The following INTS9 variants were observed in gnomAD, a reference collection of about 807,000 sequenced individuals.
The protein encoded by INTS9 is protein related to CPSF subunits of 74 kDa.
Under a neutral mutation model 79.7 loss-of-function variants are expected in INTS9, and 55 were observed. That is an observed-to-expected ratio of 0.69 (90% CI 0.56 to 0.86). The LOEUF is 0.86. Among genes scored for constraint, INTS9 ranks in the 40% least tolerant of loss-of-function variants. The probability of loss-of-function intolerance (pLI) is 0.00; values close to 1 mark genes in which losing one functional copy is unlikely to be tolerated. For missense variants in INTS9, 721 were observed against 831.5 expected (o/e 0.87, Z 1.64); for synonymous variants, 319 against 325.2 (o/e 0.98, Z 0.20).
At chr8:28,815,072 G>T (rs554200615) in intron 6 of INTS9, among the ~76,000 whole-genome samples, 1 of 152,222 alleles carries the variant, frequency 6.6e-6, no homozygotes, top group East Asian at 1.9e-4. Flanking sequence ...GGGGGCAGAG[G>T]AGCAGGCAGG....
chr8:28,857,228 G>A lies in INTS9; in HGVS notation c.137+2208C>T, dbSNP rs77373760. On this transcript the variant is annotated intron_variant, in intron 2 of 16. Coordinates refer to ENST00000521022, the MANE Select transcript of INTS9 (RefSeq NM_018250.4). ...ATGATGGGGCCAAGCAATGAACACC[G>A]AAGATGTCAATACATGATGGCCAAT... Among the ~76,000 whole-genome samples, 720 of 152,288 alleles carry A rather than the reference G, an allele frequency of 4.7e-3. 2 individuals are homozygous for A. Among genetic ancestry groups the A allele is most frequent in the Non-Finnish European group, 7.9e-3 (536 of 68,022 alleles).
At chr8:28,778,947 GAC>G (rs1803072070) in intron 12 of INTS9, among the ~76,000 whole-genome samples, 2 of 152,154 alleles carry the variant, frequency 1.3e-5, no homozygotes, top group South Asian at 4.1e-4. Flanking sequence ...ACCTCTCCCA[GAC>G]ACAACTTCTG....
At chr8:28,776,212 G>C (rs987683638) in intron 13 of INTS9, 12 of 302,528 alleles carry the variant, frequency 4.0e-5, no homozygotes, top group Non-Finnish European at 6.1e-5. Flanking sequence ...TGCTCCCAGC[G>C]GTCTCTGGGC....
chr8:28,834,515 G>A (rs904160266), intron 6 of INTS9, among the ~76,000 whole-genome samples: 4 of 152,062 alleles, frequency 2.6e-5, no homozygotes, highest in Non-Finnish European at 5.9e-5. Flanking sequence ...GTCCCATGAC[G>A]CCATGCCTGG....
At chr8:28,821,801 G>T (rs1191112405) in intron 6 of INTS9, among the ~76,000 whole-genome samples, 3 of 148,230 alleles carry the variant, frequency 2.0e-5, no homozygotes, top group African/African-American at 7.5e-5. Context: ...ACAAGGTCTT[G>T]CTCTGTCACC....
At chr8:28,805,161 A>G (rs35015518) in intron 8 of INTS9, among the ~76,000 whole-genome samples, 2,744 of 152,366 alleles carry the variant, frequency 0.018, 37 homozygotes, top group Non-Finnish European at 0.03. Context: ...AAATAATTTT[A>G]AAACTTACAA....
intron 7 of INTS9, 36 bp downstream of exon 7, chr8:28,813,456 A>T: frequency 6.3e-7 from 1 of 1,595,558 alleles, no homozygotes; most frequent in South Asian, 1.1e-5. Flanking sequence ...AATGGAAAGC[A>T]TTCATGAATA....
At chr8:28,859,287 G>A (rs1808328568) in intron 2 of INTS9, 149 bp downstream of exon 2, 1 of 855,832 alleles carries the variant, frequency 1.2e-6, no homozygotes, top group South Asian at 1.8e-5. Context: ...CATCAGCTCA[G>A]CCAAAGGAAA....
chr8:28,836,783 C>T (rs1350279345), intron 5 of INTS9, among the ~76,000 whole-genome samples: 1 of 152,132 alleles, frequency 6.6e-6, no homozygotes, highest in Admixed American at 6.5e-5. Flanking sequence ...CCTTCCTCAG[C>T]TCCCTAATGG....
At chr8:28,868,911 C>T (rs1176834129) in intron 1 of INTS9, among the ~76,000 whole-genome samples, 2 of 152,020 alleles carry the variant, frequency 1.3e-5, no homozygotes, top group Non-Finnish European at 2.9e-5. Context: ...CCAGCCTGGC[C>T]AACATGGCGA....
chr8:28,786,907 C>CT (rs1803631546), intron 11 of INTS9, among the ~76,000 whole-genome samples: 1 of 151,944 alleles, frequency 6.6e-6, no homozygotes, highest in African/African-American at 2.4e-5. Context: ...GTAGTAGAGA[C>CT]GGGGTTTCAC....
At chr8:28,784,475 C>T (rs1168790877) in intron 11 of INTS9, among the ~76,000 whole-genome samples, 3 of 152,236 alleles carry the variant, frequency 2.0e-5, no homozygotes, top group Non-Finnish European at 1.5e-5. Flanking sequence ...ACTATTTAGA[C>T]TACAGGGACC....
intron 8 of INTS9, among the ~76,000 whole-genome samples, chr8:28,810,685 A>G (rs962696715): frequency 6.6e-6 from 1 of 152,194 alleles, no homozygotes; most frequent in African/African-American, 2.4e-5. Flanking sequence ...GTATCTATAT[A>G]CCCATTCAAC....
In INTS9 at chr8:28,775,631, C is replaced by T. The variant is rs146188713; in HGVS notation, c.1563+128G>A. On this transcript the variant is annotated intron_variant, in intron 14 of 16. Coordinates refer to ENST00000521022, the MANE Select transcript of INTS9 (RefSeq NM_018250.4). ...CCGCCCAAAGTGCTGGGATTATAGG[C>T]GTGAGCTACTGCGCGCAGCCTGGTT... The T allele has an allele frequency of 1.7e-4, 169 of 1,008,944 alleles. No homozygotes were observed. The East Asian group carries it at 3.8e-3, about 23-fold the overall frequency. 62.5% of individuals were successfully genotyped at this position (1,008,944 alleles called of 1,614,324 possible).
At chr8:28,834,420 C>A (rs574263827) in intron 6 of INTS9, among the ~76,000 whole-genome samples, 8 of 152,290 alleles carry the variant, frequency 5.3e-5, no homozygotes, top group African/African-American at 1.9e-4. Flanking sequence ...TTCTCTTGCT[C>A]CAACTCACCC....
intron 11 of INTS9, among the ~76,000 whole-genome samples, chr8:28,784,769 T>G (rs893384719): frequency 6.6e-6 from 1 of 152,172 alleles, no homozygotes; most frequent in Non-Finnish European, 1.5e-5. Context: ...ATGGATGTAT[T>G]ATAACAGTAC....
At chr8:28,871,860 CA>C (rs1397183339) in intron 1 of INTS9, among the ~76,000 whole-genome samples, 2 of 151,852 alleles carry the variant, frequency 1.3e-5, no homozygotes, top group East Asian at 3.9e-4. Flanking sequence ...AAAACCAAGA[CA>C]AAAAATTGAT....
intron 13 of INTS9, among the ~76,000 whole-genome samples, chr8:28,776,470 T>G (rs1315772298): frequency 5.3e-5 from 8 of 151,902 alleles, no homozygotes; most frequent in Admixed American, 5.2e-4. Context: ...TGTCTCTTTT[T>G]GTTATCTTGA....
In INTS9 at chr8:28,776,437, TTTG is replaced by T. The variant is rs1352498637; in HGVS notation, c.1396-514_1396-512del. 5.4e-3 allele frequency among the ~76,000 whole-genome samples: 490 copies of T among 90,402 alleles called. 5 individuals are homozygous for T. The highest frequency in any genetic ancestry group is 0.037 in the East Asian group (53 of 1,434). 59.3% of individuals were successfully genotyped at this position (90,402 alleles called of 152,430 possible). A position where few individuals can be genotyped will look rare whatever the true frequency, so the allele number is the denominator to read the frequency against. On this transcript the variant is annotated intron_variant, in intron 13 of 16. Coordinates refer to ENST00000521022, the MANE Select transcript of INTS9 (RefSeq NM_018250.4). The stretch of plus-strand genomic sequence containing the variant: ...AGGAGCAGAGGCAGAGTTTTTTTTT[TTTG>T]TTTTTTTTTTTAAACAAAATGTCTC...
Sources: gnomAD v4.1 joint callset for allele counts (sites outside exome capture counted in the v4.1 genomes callset) on GRCh38, gnomAD v4.1.1 for gene constraint, MANE v1.5 for transcripts, NCBI Gene and HGNC (gene_info 2026-07-23, HGNC 2026-07-21) for gene names.